CNTN1: variants seen among roughly 807,000 people sequenced by gnomAD.
The protein encoded by CNTN1 is contactin 1.
Under a neutral mutation model 126.4 loss-of-function variants are expected in CNTN1, and 38 were observed. That is an observed-to-expected ratio of 0.30 (90% CI 0.23 to 0.39). The LOEUF (loss-of-function observed/expected upper bound fraction) is 0.39. Among genes scored for constraint, CNTN1 ranks in the 10% least tolerant of loss-of-function variants. The pLI, the probability that CNTN1 is intolerant of heterozygous loss-of-function variation, is 1.00. For synonymous variants in CNTN1, 413 were observed against 422.6 expected (o/e 0.98, Z 0.28); for missense variants, 1,009 against 1,248.4 (o/e 0.81, Z 2.89).
chr12:40,862,368 C>G (rs935750080), intron 1 of CNTN1, among the ~76,000 whole-genome samples: 27 of 152,192 alleles, frequency 1.8e-4, no homozygotes, highest in African/African-American at 6.5e-4. Flanking sequence ...CGGACTGGTA[C>G]CAGTCTACTG....
At chr12:40,781,231 G>A (rs1596530) in intron 1 of CNTN1, among the ~76,000 whole-genome samples, 150,195 of 152,128 alleles carry the variant, frequency 0.99, 74,160 homozygotes, top group Middle Eastern at 1. Context: ...ATGCACAACC[G>A]TACCTGTGGG....
intron 23 of CNTN1, among the ~76,000 whole-genome samples, chr12:41,058,024 A>T (rs1400894199): frequency 6.6e-6 from 1 of 152,078 alleles, no homozygotes; most frequent in Non-Finnish European, 1.5e-5. Context: ...GTGCAGGAGG[A>T]TGGACAATTT....
At chr12:40,845,164 C>T (rs1942454158) in intron 1 of CNTN1, among the ~76,000 whole-genome samples, 1 of 152,046 alleles carries the variant, frequency 6.6e-6, no homozygotes, top group Admixed American at 6.5e-5. Flanking sequence ...GAAAATGCTT[C>T]GGTTATATTA....
rs201989448 is a variant in CNTN1 at position 41,029,048 on chromosome 12, T to A, written c.2824-15T>A. On this transcript the variant is annotated splice_polypyrimidine_tract_variant and intron_variant, in intron 22 of 23. Coordinates refer to ENST00000551295, the MANE Select transcript of CNTN1 (RefSeq NM_001843.4). ...TATGACTTTACTGCATATTTACATTTCTGTACTTTATAAGGTACTCTACAG... is the reference window on the plus strand; with the variant it reads ...TATGACTTTACTGCATATTTACATTACTGTACTTTATAAGGTACTCTACAG... 19 of 1,613,484 alleles carry A rather than the reference T, an allele frequency of 1.2e-5. No individual in the cohort carries two copies. In the East Asian group the frequency reaches 3.8e-4, roughly 32 times the overall value.
At chr12:40,937,006 G>A (rs1946104762) in intron 10 of CNTN1, 101 bp downstream of exon 10, 5 of 1,436,536 alleles carry the variant, frequency 3.5e-6, no homozygotes, top group South Asian at 1.2e-5. Context: ...TACAGAAAGG[G>A]CACTTGGGCC....
At chr12:40,842,990 G>A (rs59498047) in intron 1 of CNTN1, among the ~76,000 whole-genome samples, 3,146 of 152,180 alleles carry the variant, frequency 0.021, 107 homozygotes, top group African/African-American at 0.072. Flanking sequence ...GGCTGTATAA[G>A]CAAATGCTAT....
intron 23 of CNTN1, among the ~76,000 whole-genome samples, chr12:41,042,243 T>C: frequency 6.6e-6 from 1 of 152,180 alleles, no homozygotes; most frequent in Admixed American, 6.6e-5. Context: ...GGTTTCTTAA[T>C]CCTGAGTTCT....
intron 1 of CNTN1, among the ~76,000 whole-genome samples, chr12:40,817,673 T>A (rs1014475519): frequency 6.6e-6 from 1 of 151,908 alleles, no homozygotes; most frequent in Non-Finnish European, 1.5e-5. Context: ...ACATTTTAGG[T>A]TAATATTGTT....
At chr12:40,868,585 C>G (rs1293555087) in intron 1 of CNTN1, among the ~76,000 whole-genome samples, 1 of 152,152 alleles carries the variant, frequency 6.6e-6, no homozygotes, top group Non-Finnish European at 1.5e-5. Context: ...CCCCTGCTCT[C>G]TGCGTTAGCC....
At chr12:41,023,349 A>G (rs1948968160) in intron 20 of CNTN1, among the ~76,000 whole-genome samples, 1 of 152,228 alleles carries the variant, frequency 6.6e-6, no homozygotes. Context: ...GTGGTTTTAA[A>G]GTGTATCTCA....
At position 40,996,424 on chromosome 12, in the gene CNTN1, G is replaced by C. The variant is rs116127759; in HGVS notation, c.2113+3155G>C. ...TGGGATTACAGGCATGAGCCACCGG[G>C]TCTGGCCTGAGTCTCACTTTTTTCA... On this transcript the variant is annotated intron_variant, in intron 17 of 23. Coordinates refer to ENST00000551295, the MANE Select transcript of CNTN1 (RefSeq NM_001843.4). Among the ~76,000 whole-genome samples, 325 of 152,214 alleles carry C rather than the reference G, an allele frequency of 2.1e-3. 1 individual carries two copies. Among genetic ancestry groups the C allele is most frequent in the African/African-American group, 7.3e-3 (302 of 41,550 alleles).
At chr12:40,864,889 TA>T (rs1943246562) in intron 1 of CNTN1, among the ~76,000 whole-genome samples, 2 of 152,164 alleles carry the variant, frequency 1.3e-5, no homozygotes, top group African/African-American at 2.4e-5. Context: ...ACTCTATTCT[TA>T]AATTTGGAGG....
intron 7 of CNTN1, among the ~76,000 whole-genome samples, chr12:40,933,009 T>C (rs1419567053): frequency 1.3e-5 from 2 of 151,890 alleles, no homozygotes; most frequent in Non-Finnish European, 2.9e-5. Context: ...CTTCTCTCTT[T>C]TCAATTTGTT....
chr12:40,709,564 G>A (rs185079462), intron 1 of CNTN1, among the ~76,000 whole-genome samples: 6 of 152,304 alleles, frequency 3.9e-5, no homozygotes, highest in African/African-American at 1.4e-4. Flanking sequence ...GTCCTAGATG[G>A]CATCTTTTTC....
At chr12:40,861,103 T>C (rs1943102561) in intron 1 of CNTN1, among the ~76,000 whole-genome samples, 1 of 152,142 alleles carries the variant, frequency 6.6e-6, no homozygotes, top group Non-Finnish European at 1.5e-5. Flanking sequence ...TTTAAATTAC[T>C]TTGGAAAGAA....
intron 1 of CNTN1, among the ~76,000 whole-genome samples, chr12:40,843,120 T>C (rs1942353681): frequency 2.0e-5 from 3 of 152,186 alleles, no homozygotes; most frequent in African/African-American, 7.2e-5. Flanking sequence ...AACTCCTTTA[T>C]GCCTTAGAAA....
intron 1 of CNTN1, among the ~76,000 whole-genome samples, chr12:40,696,755 A>G (rs1261880123): frequency 6.6e-6 from 1 of 152,204 alleles, no homozygotes; most frequent in East Asian, 1.9e-4. Flanking sequence ...TTAATATTCA[A>G]TTGAAAATAA....
In CNTN1 at chr12:40,752,204, C is replaced by G. The variant is rs148319985; in HGVS notation, c.-77+59612C>G. 9.2e-5 allele frequency among the ~76,000 whole-genome samples: 14 copies of G among 152,118 alleles called. 1 individual carries two copies. The East Asian group carries it at 2.3e-3, about 25-fold the overall frequency. On this transcript the variant is annotated intron_variant, in intron 1 of 23. Coordinates refer to ENST00000551295, the MANE Select transcript of CNTN1 (RefSeq NM_001843.4). ...TGGTCACGTGTTTATAATAGATGAGCCTTGGCTTACAATGACTGCTTTGTT... is the reference window on the plus strand; with the variant it reads ...TGGTCACGTGTTTATAATAGATGAGGCTTGGCTTACAATGACTGCTTTGTT...
intron 1 of CNTN1, among the ~76,000 whole-genome samples, chr12:40,856,482 G>A (rs1942910588): frequency 6.6e-6 from 1 of 152,060 alleles, no homozygotes; most frequent in African/African-American, 2.4e-5. Flanking sequence ...GAGATAATGA[G>A]TTTATAGGGC....
Sources: gnomAD v4.1 joint callset for allele counts (sites outside exome capture counted in the v4.1 genomes callset) on GRCh38, gnomAD v4.1.1 for gene constraint, MANE v1.5 for transcripts, NCBI Gene and HGNC (gene_info 2026-07-23, HGNC 2026-07-21) for gene names.